The following RAD54L2 variants were observed in gnomAD, a reference collection of about 807,000 sequenced individuals.
RAD54L2 encodes helicase ARIP4.
RAD54L2 carries 27 observed loss-of-function variants against 138.4 expected under a neutral mutation model. The ratio of observed to expected loss-of-function variants is 0.20; its 90% CI spans 0.14 to 0.27. The LOEUF (loss-of-function observed/expected upper bound fraction) is 0.27. Ranked by LOEUF, RAD54L2 falls within the 10% of genes least tolerant of loss-of-function variation. The pLI, the probability that RAD54L2 is intolerant of heterozygous loss-of-function variation, is 1.00. For synonymous variants in RAD54L2, 644 were observed against 723.2 expected, an observed-to-expected ratio of 0.89 and a Z score of 1.76; for missense variants, 1,396 against 1,890.2, an observed-to-expected ratio of 0.74 and a Z score of 4.85.
chr3:51,661,046 C>T (rs1667750971), intron 22 of RAD54L2, among the ~76,000 whole-genome samples: 1 of 152,034 alleles, frequency 6.6e-6, no homozygotes, highest in Admixed American at 6.5e-5. Flanking sequence ...CTCCGCCTCC[C>T]GGGTTCAAAC....
intron 19 of RAD54L2, among the ~76,000 whole-genome samples, chr3:51,651,278 A>T (rs1701427097): frequency 6.6e-6 from 1 of 152,200 alleles, no homozygotes; most frequent in Non-Finnish European, 1.5e-5. Context: ...AGGCTCTGAA[A>T]TTGAGGCAAT....
Position 51,637,112 on chromosome 3 carries a change from A to C in RAD54L2, c.1340-49A>C. ...ACCCCTACTTCTCATATTATTGACT[A>C]AGAGCAGGCCCTGTCACCCTCTGAC... On this transcript the variant is annotated intron_variant, in intron 10 of 22. Transcript: ENST00000684192. The surrounding 1 kb of genome is among the most constrained non-coding windows in gnomAD (Gnocchi z 5.9). 1 of 1,475,016 alleles carries C rather than the reference A, an allele frequency of 6.8e-7. No homozygotes were observed. Among genetic ancestry groups the C allele is most frequent in the Non-Finnish European group, 9.3e-7 (1 of 1,080,000 alleles). The allele number at this position is 1,475,016 out of a possible 1,614,324, so 91.4% of individuals were successfully genotyped here. A position where few individuals can be genotyped will look rare whatever the true frequency, so the allele number is the denominator to read the frequency against.
intron 3 of RAD54L2, among the ~76,000 whole-genome samples, chr3:51,621,448 G>A (rs1700567959): frequency 6.6e-6 from 1 of 152,206 alleles, no homozygotes; most frequent in South Asian, 2.1e-4. Flanking sequence ...TGGGCCACAA[G>A]CCTTATAACT....
intron 2 of RAD54L2, among the ~76,000 whole-genome samples, chr3:51,546,101 G>C (rs1698686293): frequency 6.6e-6 from 1 of 151,364 alleles, no homozygotes; most frequent in Admixed American, 6.6e-5. Flanking sequence ...ACCGCACCTG[G>C]CTAATTTTTG....
chr3:51,624,815 A>G (rs970464610), intron 3 of RAD54L2, among the ~76,000 whole-genome samples: 4 of 152,198 alleles, frequency 2.6e-5, no homozygotes, highest in Non-Finnish European at 2.9e-5. Context: ...CCATAAGGAA[A>G]CTGGAGTAGT....
rs535518002 is a variant in RAD54L2, at chr3:51,663,061, C to A, written c.4045C>A (p.Pro1349Thr). 34 of 1,613,954 alleles carry A rather than the reference C, an allele frequency of 2.1e-5. No individual in the cohort carries two copies. The South Asian group carries it at 3.6e-4, about 17-fold the overall frequency. ...TCCAGTGACTACTGACCCTCTGGTGCCAGCAGGCCCCGTCAGTTCCTCTTC... is the reference window on the plus strand; with the variant it reads ...TCCAGTGACTACTGACCCTCTGGTGACAGCAGGCCCCGTCAGTTCCTCTTC... ...VFPVTTDPLV[P>T]AGPVSSSSTA... The change falls in exon 23 of 23, where the codon CCA (proline) becomes ACA (threonine). Residue 1349 changes from proline (P) to threonine (T), a missense_variant. By Grantham distance (38) the Pro-to-Thr change is conservative. Around this residue, in one of 7 missense-constraint regions of RAD54L2, gnomAD observed 634 missense variants for 711.2 expected, o/e 0.89. Coordinates refer to ENST00000684192, the MANE Select transcript of RAD54L2 (RefSeq NM_015106.4).
At chr3:51,584,451 A>G (rs1699670740) in intron 2 of RAD54L2, among the ~76,000 whole-genome samples, 2 of 152,040 alleles carry the variant, frequency 1.3e-5, no homozygotes, top group Admixed American at 6.6e-5. Context: ...TAGACACTCA[A>G]AAGGCATTGG....
intron 3 of RAD54L2, among the ~76,000 whole-genome samples, chr3:51,616,888 G>A (rs536212049): frequency 1.3e-5 from 2 of 152,180 alleles, no homozygotes; most frequent in East Asian, 1.9e-4. Flanking sequence ...CTCTTTTTGG[G>A]CTTTAATTTT....
At chr3:51,581,125 C>T (rs566955667) in intron 2 of RAD54L2, among the ~76,000 whole-genome samples, 3 of 152,078 alleles carry the variant, frequency 2.0e-5, no homozygotes, top group African/African-American at 7.2e-5. Flanking sequence ...TTATTATTAA[C>T]GAGACTCTGT....
intron 2 of RAD54L2, among the ~76,000 whole-genome samples, chr3:51,559,024 C>T (rs995351920): frequency 9.9e-5 from 15 of 151,816 alleles, no homozygotes; most frequent in South Asian, 4.2e-4. Context: ...CAGGCGTATA[C>T]CACCACACCT....
rs775556591 is a variant in RAD54L2 at position 51,637,446 on chromosome 3, G to A, written c.1625G>A (p.Arg542His). The change falls in exon 11 of 23, where the codon CGC (arginine) becomes CAC (histidine). Residue 542 changes from arginine to histidine, a missense_variant. Transcript: ENST00000684192. The surrounding 1 kb of genome is among the most constrained non-coding windows in gnomAD (Gnocchi z 5.9). ...ATTGACAGCACACCTCAGGACGTCCGCCTCATGCGGTACCGGAGCCATGTC... is the reference window on the plus strand; with the variant it reads ...ATTGACAGCACACCTCAGGACGTCCACCTCATGCGGTACCGGAGCCATGTC... ...QCIDSTPQDV[R>H]LMRYRSHVLH... 1.9e-6 allele frequency: 3 copies of A among 1,613,842 alleles called. No individual in the cohort carries two copies. Among genetic ancestry groups the A allele is most frequent in the Non-Finnish European group, 2.5e-6 (3 of 1,179,838 alleles).
intron 2 of RAD54L2, among the ~76,000 whole-genome samples, chr3:51,572,876 G>C (rs1000910616): frequency 6.6e-5 from 10 of 151,760 alleles, no homozygotes; most frequent in Non-Finnish European, 1.0e-4. Flanking sequence ...CTGACCTTGT[G>C]ATTCGCCTGC....
At chr3:51,551,481 G>A (rs1430525290) in intron 2 of RAD54L2, among the ~76,000 whole-genome samples, 2 of 151,484 alleles carry the variant, frequency 1.3e-5, no homozygotes, top group Non-Finnish European at 2.9e-5. Context: ...TGTCATCCAG[G>A]CTATAGTGCA....
At chr3:51,576,983 G>A (rs1477579475) in intron 2 of RAD54L2, among the ~76,000 whole-genome samples, 2 of 152,142 alleles carry the variant, frequency 1.3e-5, no homozygotes, top group Non-Finnish European at 2.9e-5. Context: ...TGGGCATTTA[G>A]TGCTATAAAT....
rs543117974 is a variant in RAD54L2 at position 51,582,601 on chromosome 3, T to C, written c.-54-7766T>C. Among the ~76,000 whole-genome samples the C allele has an allele frequency of 1.2e-4, 18 of 151,658 alleles. No individual in the cohort carries two copies. In the South Asian group the frequency reaches 3.1e-3, roughly 26 times the overall value. ...CACAACTCTGCCTTTTTTTTTTTTT[T>C]CCTGCTGGCCATGATTCCATGGAGA... On this transcript the variant is annotated intron_variant, in intron 2 of 22. Transcript: ENST00000684192.
At chr3:51,608,273 G>A (rs1404502874) in intron 3 of RAD54L2, among the ~76,000 whole-genome samples, 1 of 152,010 alleles carries the variant, frequency 6.6e-6, no homozygotes, top group African/African-American at 2.4e-5. Flanking sequence ...ACCATGGGCA[G>A]CCGGGCAGAG....
intron 3 of RAD54L2, among the ~76,000 whole-genome samples, chr3:51,623,343 C>T (rs1218740339): frequency 6.6e-6 from 1 of 152,226 alleles, no homozygotes; most frequent in East Asian, 1.9e-4. Flanking sequence ...ACACAAATGT[C>T]ATCACTCAGC....
chr3:51,661,931 T>TA (rs769045496), intron 22 of RAD54L2, among the ~76,000 whole-genome samples: 1 of 152,170 alleles, frequency 6.6e-6, no homozygotes, highest in Non-Finnish European at 1.5e-5. Context: ...ATTATTACAC[T>TA]AAAAAAAGCT....
chr3:51,643,749 A>G, intron 15 of RAD54L2, 126 bp from the exon 16 acceptor site: 1 of 751,060 alleles, frequency 1.3e-6, no homozygotes, highest in East Asian at 2.8e-5. Context: ...GATACGTCCA[A>G]GGGGTGAGAT....
Sources: gnomAD v4.1 joint callset for allele counts (sites outside exome capture counted in the v4.1 genomes callset) on GRCh38, gnomAD v4.1.1 for gene constraint, gnomAD v4.1.1 regional missense constraint, Gnocchi (gnomAD v3.1) non-coding constraint, MANE v1.5 for transcripts, NCBI Gene and HGNC (gene_info 2026-07-23, HGNC 2026-07-21) for gene names.